IFFO1: variants seen among roughly 807,000 people sequenced by gnomAD.
IFFO1 encodes non-homologous end joining factor IFFO1.
A neutral mutation model predicts 59.6 loss-of-function variants in IFFO1; 42 were observed. The observed-to-expected ratio is 0.70, with a 90% CI of 0.55 to 0.91. The LOEUF is 0.91. Ranked by LOEUF, IFFO1 falls within the 40% of genes least tolerant of loss-of-function variation. The probability of loss-of-function intolerance (pLI) is 0.00; values close to 1 mark genes in which losing one functional copy is unlikely to be tolerated. For synonymous variants in IFFO1, 336 were observed against 342.8 expected, an observed-to-expected ratio of 0.98 and a Z score of 0.22; for missense variants, 711 against 793.2, an observed-to-expected ratio of 0.90 and a Z score of 1.24.
Position 6,549,396 on chromosome 12 carries a change from C to A in IFFO1, c.1080+80G>T. ...ATCCGTGCTCAAGAGCCCAGCGGGC[C>A]CAAACTGAGGGCCAGGAGGCCTAGG... On this transcript the variant is annotated intron_variant, in intron 5 of 9. Coordinates refer to ENST00000619571, the MANE Select transcript of IFFO1 (RefSeq NM_001193457.2). The surrounding 1 kb of genome is among the most constrained non-coding windows in gnomAD (Gnocchi z 5.0). The A allele has an allele frequency of 6.5e-7, 1 of 1,542,222 alleles. No homozygotes were observed. The highest frequency in any genetic ancestry group is 8.9e-7 in the Non-Finnish European group (1 of 1,119,150).
At chr12:6,542,111 ACTCT>A (rs752747600) in intron 8 of IFFO1, among the ~76,000 whole-genome samples, 1 of 151,816 alleles carries the variant, frequency 6.6e-6, no homozygotes, top group Non-Finnish European at 1.5e-5. Context: ...AAGGGAATTA[ACTCT>A]CTCTGTGACC....
intron 8 of IFFO1, among the ~76,000 whole-genome samples, chr12:6,547,739 AAGAG>A (rs138238391): frequency 4.8e-5 from 7 of 145,280 alleles, no homozygotes; most frequent in Non-Finnish European, 9.1e-5. Flanking sequence ...GGGGGAGGGG[AAGAG>A]AGAGAGAGAG....
At chr12:6,545,361 TAA>T (rs1946903875) in intron 8 of IFFO1, among the ~76,000 whole-genome samples, 1 of 152,148 alleles carries the variant, frequency 6.6e-6, no homozygotes, top group African/African-American at 2.4e-5. Flanking sequence ...AAACAATTCC[TAA>T]GTTTTAAATT....
chr12:6,542,214 A>AT (rs1946750285), intron 8 of IFFO1, among the ~76,000 whole-genome samples: 1 of 152,176 alleles, frequency 6.6e-6, no homozygotes, highest in African/African-American at 2.4e-5. Context: ...CCTAAAAGCC[A>AT]TTTTCAGACA....
Position 6,548,579 on chromosome 12 carries a change from G to A in IFFO1, c.1263-34C>T, listed in dbSNP as rs774347944. On this transcript the variant is annotated intron_variant, in intron 6 of 9. Transcript: ENST00000619571. This position sits in a 1 kb window ranked among gnomAD's most constrained non-coding sequence, Gnocchi z 6.1. Reference sequence around the variant, plus strand: ...AGGGAACCCGGGTGTCAGGGCGGGCGGGGCCTCGTCCTGGCGGGGGACTGG... The same window carrying A: ...AGGGAACCCGGGTGTCAGGGCGGGCAGGGCCTCGTCCTGGCGGGGGACTGG... 1.5e-5 allele frequency: 25 copies of A among 1,613,220 alleles called. No individual in the cohort carries two copies. Among genetic ancestry groups the A allele is most frequent in the Admixed American group, 8.3e-5 (5 of 59,964 alleles).
At position 6,550,619 on chromosome 12, in the gene IFFO1, CCAA is replaced by C. The variant is rs976752002; in HGVS notation, c.930+73_930+75del. 11 of 1,152,428 alleles carry C rather than the reference CCAA, an allele frequency of 9.5e-6. No individual in the cohort carries two copies. In the Admixed American group the frequency reaches 1.5e-4, roughly 16 times the overall value. 71.4% of individuals were successfully genotyped at this position (1,152,428 alleles called of 1,614,324 possible). A position where few individuals can be genotyped will look rare whatever the true frequency, so the allele number is the denominator to read the frequency against. The stretch of plus-strand genomic sequence containing the variant: ...GAGCCGTGGACGGGAGGCCAACAGG[CCAA>C]CACTAGAAGGGCCTACTCTTCTGGC... On this transcript the variant is annotated intron_variant, in intron 3 of 9. Coordinates refer to ENST00000619571, the MANE Select transcript of IFFO1 (RefSeq NM_001193457.2).
In IFFO1 at chr12:6,555,982, C is replaced by A; in HGVS notation, c.48G>T (p.Gln16His). 1 of 1,573,568 alleles carries A rather than the reference C, an allele frequency of 6.4e-7. No homozygotes were observed. Among genetic ancestry groups the A allele is most frequent in the Non-Finnish European group, 8.6e-7 (1 of 1,167,242 alleles). The change falls in exon 1 of 10, where the codon CAG becomes CAT. Residue 16 changes from glutamine to histidine, a missense_variant. Around this residue, in one of 3 missense-constraint regions of IFFO1, gnomAD observed 114 missense variants for 102.4 expected, o/e 1.11. Transcript: ENST00000619571. The surrounding 1 kb of genome is among the most constrained non-coding windows in gnomAD (Gnocchi z 8.6). Reference protein sequence around the residue: ...GPNLFLLQQEQQGLAGPLGDS... With the variant: ...GPNLFLLQQEHQGLAGPLGDS... ...CCCCCAGTGGCCCGGCCAGGCCCTG[C>A]TGCTCCTGCTGCAGGAGGAAGAGGT...
chr12:6,543,083 TG>T (rs762709376), intron 8 of IFFO1, among the ~76,000 whole-genome samples: 97 of 151,694 alleles, frequency 6.4e-4, no homozygotes, highest in Non-Finnish European at 1.2e-3. Context: ...GACTTGGGGG[TG>T]GGACGGGAGG....
intron 8 of IFFO1, among the ~76,000 whole-genome samples, chr12:6,544,485 G>C (rs1233994387): frequency 6.6e-6 from 1 of 152,128 alleles, no homozygotes; most frequent in Admixed American, 6.6e-5. Flanking sequence ...AGCTTAAAAG[G>C]CATGATTCCA....
Position 6,555,465 on chromosome 12 carries a change from C to T in IFFO1, c.565G>A (p.Ala189Thr). 1 of 1,613,122 alleles carries T rather than the reference C, an allele frequency of 6.2e-7. No homozygotes were observed. The highest frequency in any genetic ancestry group is 8.5e-7 in the Non-Finnish European group (1 of 1,179,584). ...TSTSTTYSSS[A>T]RFMPGTIWSF... ...CAGATGGTGCCGGGCATGAAGCGGG[C>T]CGACGAGGAATAGGTGGTGGAGGTG... The change falls in exon 1 of 10, where the codon GCC becomes ACC. Residue 189 changes from alanine (A) to threonine (T), a missense_variant. Around this residue, in one of 3 missense-constraint regions of IFFO1, gnomAD observed 579 missense variants for 650.3 expected, o/e 0.89. Coordinates refer to ENST00000619571, the MANE Select transcript of IFFO1 (RefSeq NM_001193457.2). The surrounding 1 kb of genome is among the most constrained non-coding windows in gnomAD (Gnocchi z 8.6).
Position 6,539,610 on chromosome 12 carries a change from A to G in IFFO1, c.*873T>C, listed in dbSNP as rs771195620. The G allele has an allele frequency of 6.6e-6, 1 of 152,284 alleles. No homozygotes were observed. The highest frequency in any genetic ancestry group is 1.5e-5 in the Non-Finnish European group (1 of 68,080). 9.4% of individuals were successfully genotyped at this position (152,284 alleles called of 1,614,324 possible). On this transcript the variant is annotated 3_prime_UTR_variant, in exon 10 of 10. Coordinates refer to ENST00000619571, the MANE Select transcript of IFFO1 (RefSeq NM_001193457.2). The stretch of plus-strand genomic sequence containing the variant: ...TCAACACAGCCTCCTATACCGAGGC[A>G]TTGTGAACCGCATCTCCCCAGCTTC...
At position 6,545,525 on chromosome 12, in the gene IFFO1, C is replaced by G. The variant is rs142304221; in HGVS notation, c.1479+2540G>C. On this transcript the variant is annotated intron_variant, in intron 8 of 9. Transcript: ENST00000619571. The stretch of plus-strand genomic sequence containing the variant: ...CCTGGCTAACACGGTGAAACCCCAT[C>G]TCTACTAAAAAATACAAAAGAAATT... Among the ~76,000 whole-genome samples the G allele has an allele frequency of 1.5e-3, 221 of 152,110 alleles. 2 individuals are homozygous for G. The highest frequency in any genetic ancestry group is 0.01 in the Middle Eastern group (3 of 294).
chr12:6,547,897 G>C (rs1051979426), intron 8 of IFFO1, among the ~76,000 whole-genome samples, 168 bp downstream of exon 8: 1 of 152,202 alleles, frequency 6.6e-6, no homozygotes, highest in African/African-American at 2.4e-5. Context: ...TCTGTTTCCA[G>C]AGCCTGAGGT....
chr12:6,552,088 GA>G (rs1169669590), intron 1 of IFFO1, among the ~76,000 whole-genome samples: 2 of 152,186 alleles, frequency 1.3e-5, no homozygotes, highest in African/African-American at 2.4e-5. Context: ...CACCAAGAGA[GA>G]AACTTCAACA....
Position 6,540,597 on chromosome 12 carries a change from AAACACCAGTTGTC to A in IFFO1, c.1611-22_1611-10del, listed in dbSNP as rs1946662547. The A allele has an allele frequency of 6.2e-7, 1 of 1,611,480 alleles. No individual in the cohort carries two copies. Among genetic ancestry groups the A allele is most frequent in the Non-Finnish European group, 8.5e-7 (1 of 1,178,262 alleles). ...TGAAAGCAGGAGACTTTCTAGAAAA[AAACACCAGTTGTC>A]AACCTTGGGGCAGGCAGGAATCCTG... On this transcript the variant is annotated splice_polypyrimidine_tract_variant and intron_variant, in intron 9 of 9. Transcript: ENST00000619571.
chr12:6,555,895 C>G lies in IFFO1; in HGVS notation c.135G>C (p.Pro45=), dbSNP rs1336477602. ...GGDLPPAPLS[P]AGPAAYSPPG... ...GCGGCGAGTAGGCAGCAGGGCCGGC[C>G]GGCGAGAGAGGCGCCGGGGGCAAGT... The change falls in exon 1 of 10, where the codon CCG becomes CCC. Residue 45 remains proline, a synonymous_variant. Coordinates refer to ENST00000619571, the MANE Select transcript of IFFO1 (RefSeq NM_001193457.2). This position sits in a 1 kb window ranked among gnomAD's most constrained non-coding sequence, Gnocchi z 8.6. 3 of 1,575,382 alleles carry G rather than the reference C, an allele frequency of 1.9e-6. No individual in the cohort carries two copies. The highest frequency in any genetic ancestry group is 2.6e-6 in the Non-Finnish European group (3 of 1,164,502).
intron 3 of IFFO1, 112 bp from the exon 4 acceptor site, chr12:6,550,008 T>C: frequency 8.4e-7 from 1 of 1,192,814 alleles, no homozygotes; most frequent in Non-Finnish European, 1.2e-6. Flanking sequence ...GTGCCTCTTC[T>C]GTGGAGTCTC....
rs894411026 is a variant in IFFO1 at position 6,550,136 on chromosome 12, G to A, written c.931-240C>T. On this transcript the variant is annotated intron_variant, in intron 3 of 9. Coordinates refer to ENST00000619571, the MANE Select transcript of IFFO1 (RefSeq NM_001193457.2). ...TCCCTGGCCAAACGGAAGCCCTGGAGGGCATGGCCAGTGCCTGGGACATGC... is the reference window on the plus strand; with the variant it reads ...TCCCTGGCCAAACGGAAGCCCTGGAAGGCATGGCCAGTGCCTGGGACATGC... The A allele has an allele frequency of 7.2e-5, 34 of 474,598 alleles. No homozygotes were observed. The East Asian group carries it at 1.1e-3, about 15-fold the overall frequency. The allele number at this position is 474,598 out of a possible 1,614,324, so 29.4% of individuals were successfully genotyped here.
At chr12:6,554,487 A>C (rs74390085) in intron 1 of IFFO1, among the ~76,000 whole-genome samples, 4,702 of 152,210 alleles carry the variant, frequency 0.031, 266 homozygotes, top group East Asian at 0.26. Context: ...CTCCTCTCAG[A>C]CAGCCAAATC....
Sources: allele counts gnomAD v4.1 joint callset (sites outside exome capture counted in the v4.1 genomes callset), GRCh38; gene constraint gnomAD v4.1.1; regional missense constraint gnomAD v4.1.1; non-coding constraint Gnocchi (gnomAD v3.1); transcripts MANE v1.5; gene names NCBI Gene and HGNC (gene_info 2026-07-23, HGNC 2026-07-21).